HCK: variants seen among roughly 807,000 people sequenced by gnomAD.
HCK encodes HCK proto-oncogene, Src family tyrosine kinase.
A neutral mutation model predicts 70.4 loss-of-function variants in HCK; 40 were observed. The observed-to-expected ratio is 0.57, with a 90% CI of 0.44 to 0.74. The LOEUF (loss-of-function observed/expected upper bound fraction) is 0.74. Ranked by LOEUF, HCK falls within the 30% of genes least tolerant of loss-of-function variation. The pLI is 0.00. For synonymous variants in HCK, 245 were observed against 263.2 expected (o/e 0.93, Z 0.67); for missense variants, 568 against 697.2 (o/e 0.81, Z 2.09).
In HCK at chr20:32,085,370, C is replaced by G. The variant is rs536114541; in HGVS notation, c.835+827C>G. ...TCTACGAAAAAATACAACAATTAGCCAGGCGTGGTGGTGGGAGCCTGTAAT... is the reference window on the plus strand; with the variant it reads ...TCTACGAAAAAATACAACAATTAGCGAGGCGTGGTGGTGGGAGCCTGTAAT... On this transcript the variant is annotated intron_variant, in intron 8 of 12. Coordinates refer to ENST00000375852, the MANE Select transcript of HCK (RefSeq NM_002110.5). Among the ~76,000 whole-genome samples the G allele has an allele frequency of 6.7e-4, 102 of 152,080 alleles. 1 individual carries two copies. Among genetic ancestry groups the G allele is most frequent in the Admixed American group, 1.6e-3 (25 of 15,274 alleles).
rs1163172439 is a variant in HCK at position 32,071,751 on chromosome 20, A to T, written c.152A>T (p.Tyr51Phe). Reference sequence around the variant, plus strand: ...AGCGCCAGCCCACACTGTCCTGTGTACGTGCCGGATCCCACATCCACCATC... The same window carrying T: ...AGCGCCAGCCCACACTGTCCTGTGTTCGTGCCGGATCCCACATCCACCATC... The change falls in exon 2 of 13, where the codon TAC becomes TTC. Residue 51 changes from tyrosine (Y) to phenylalanine (F), a missense_variant. Tyr to Phe is a conservative substitution (Grantham distance 22). Around this residue, in one of 4 missense-constraint regions of HCK, gnomAD observed 318 missense variants for 336.0 expected, o/e 0.95. Transcript: ENST00000375852. The T allele has an allele frequency of 6.8e-6, 11 of 1,614,076 alleles. No individual in the cohort carries two copies. In the East Asian group the frequency reaches 2.5e-4, roughly 36 times the overall value.
intron 1 of HCK, among the ~76,000 whole-genome samples, chr20:32,061,343 G>A (rs1201277641): frequency 6.6e-6 from 1 of 152,210 alleles, no homozygotes; most frequent in Admixed American, 6.5e-5. Context: ...AAAGTCTCTT[G>A]ACAGAGGTCC....
At chr20:32,084,101 A>G in intron 7 of HCK, 58 bp downstream of exon 7, 1 of 1,569,958 alleles carries the variant, frequency 6.4e-7, no homozygotes, top group South Asian at 1.1e-5. Context: ...ACTCCTAGTC[A>G]CGGATGCACT....
At chr20:32,058,872 G>A (rs1157217158) in intron 1 of HCK, among the ~76,000 whole-genome samples, 1 of 152,176 alleles carries the variant, frequency 6.6e-6, no homozygotes, top group Non-Finnish European at 1.5e-5. Context: ...GGGAGCCAGG[G>A]TAGAACAGGC....
chr20:32,094,758 A>G (rs2045918529), intron 11 of HCK, among the ~76,000 whole-genome samples: 2 of 132,256 alleles, frequency 1.5e-5, no homozygotes, highest in Admixed American at 7.6e-5. Context: ...AGAAAGAAAG[A>G]AAGAAGGAAA....
chr20:32,096,770 A>G (rs899330175), intron 11 of HCK, among the ~76,000 whole-genome samples: 1 of 152,048 alleles, frequency 6.6e-6, no homozygotes, highest in African/African-American at 2.4e-5. Flanking sequence ...TGAAAGTGCT[A>G]GGATTACAGG....
At chr20:32,059,381 TTTC>T (rs1194175074) in intron 1 of HCK, among the ~76,000 whole-genome samples, 2 of 148,874 alleles carry the variant, frequency 1.3e-5, no homozygotes, top group South Asian at 2.2e-4. Flanking sequence ...CCTCCTCCAC[TTTC>T]TTCTTCTCTT....
At chr20:32,061,076 C>T (rs994841098) in intron 1 of HCK, among the ~76,000 whole-genome samples, 11 of 152,098 alleles carry the variant, frequency 7.2e-5, no homozygotes, top group Non-Finnish European at 1.6e-4. Flanking sequence ...CTCCGCCTCC[C>T]GGGTTCAAGC....
chr20:32,098,025 A>G (rs1177083055), intron 11 of HCK, among the ~76,000 whole-genome samples: 3 of 140,470 alleles, frequency 2.1e-5, no homozygotes, highest in Non-Finnish European at 4.5e-5. Flanking sequence ...AAATTTTTCT[A>G]TTTTTTTATA....
At position 32,101,734 on chromosome 20, in the gene HCK, TTGA is replaced by T. The variant is rs2046039153; in HGVS notation, c.*217_*219del. The T allele has an allele frequency of 2.2e-6, 1 of 451,612 alleles. No homozygotes were observed. Among genetic ancestry groups the T allele is most frequent in the Non-Finnish European group, 3.9e-6 (1 of 254,172 alleles). 28.0% of individuals were successfully genotyped at this position (451,612 alleles called of 1,614,324 possible). On this transcript the variant is annotated 3_prime_UTR_variant, in exon 13 of 13. Transcript: ENST00000375852. ...CTGACATTCTCAGGAAGCCCCCAAG[TTGA>T]TATTTCTATTTCCTGGAATGGTTGG...
chr20:32,069,562 G>T (rs1162168658), intron 1 of HCK: 2 of 373,764 alleles, frequency 5.4e-6, no homozygotes, highest in African/African-American at 2.1e-5. Context: ...CTCAAAGAGA[G>T]ATGCTGGTTT....
At position 32,052,403 on chromosome 20, in the gene HCK, C is replaced by G. The variant is rs1272146939; in HGVS notation, c.-22C>G. On this transcript the variant is annotated 5_prime_UTR_variant, in exon 1 of 13. Coordinates refer to ENST00000375852, the MANE Select transcript of HCK (RefSeq NM_002110.5). ...AGTCAGTTTCCCGGCACTGGCACCC[C>G]GGAACCTCAGGGGCTGCCGAGCTGG... 3.9e-6 allele frequency: 5 copies of G among 1,286,322 alleles called. No individual in the cohort carries two copies. Among genetic ancestry groups the G allele is most frequent in the Non-Finnish European group, 5.0e-6 (5 of 1,007,648 alleles). 79.7% of individuals were successfully genotyped at this position (1,286,322 alleles called of 1,614,324 possible). A position where few individuals can be genotyped will look rare whatever the true frequency, so the allele number is the denominator to read the frequency against.
intron 12 of HCK, 51 bp downstream of exon 12, chr20:32,099,186 T>C (rs1292412179): frequency 1.3e-6 from 2 of 1,584,394 alleles, no homozygotes; most frequent in Non-Finnish European, 1.7e-6. Context: ...AGTCTGGCAA[T>C]GGGCTCATCT....
chr20:32,083,333 A>T (rs1385472304), intron 6 of HCK, among the ~76,000 whole-genome samples: 1 of 152,214 alleles, frequency 6.6e-6, no homozygotes, highest in Non-Finnish European at 1.5e-5. Context: ...TTAGGGCATG[A>T]CTATCTTGAG....
At chr20:32,058,360 C>A (rs1232088399) in intron 1 of HCK, among the ~76,000 whole-genome samples, 1 of 151,886 alleles carries the variant, frequency 6.6e-6, no homozygotes, top group Non-Finnish European at 1.5e-5. Context: ...GGTGAAACCC[C>A]GTCTCTACTA....
intron 11 of HCK, among the ~76,000 whole-genome samples, chr20:32,094,552 T>G: frequency 6.6e-6 from 1 of 151,792 alleles, no homozygotes. Context: ...TGGTGGCACA[T>G]GCCTGTATGC....
chr20:32,081,096 AT>A (rs1388872474), intron 6 of HCK, among the ~76,000 whole-genome samples: 1 of 152,210 alleles, frequency 6.6e-6, no homozygotes, highest in African/African-American at 2.4e-5. Flanking sequence ...CTCTAAAAAA[AT>A]AAAACAAAAT....
At chr20:32,100,104 C>T (rs965666515) in intron 12 of HCK, among the ~76,000 whole-genome samples, 1 of 152,084 alleles carries the variant, frequency 6.6e-6, no homozygotes, top group African/African-American at 2.4e-5. Flanking sequence ...GACTTGGTCT[C>T]ACTACGTTGT....
intron 8 of HCK, among the ~76,000 whole-genome samples, chr20:32,084,862 T>A (rs2122579812): frequency 6.6e-6 from 1 of 152,340 alleles, no homozygotes; most frequent in South Asian, 2.1e-4. Flanking sequence ...AGAGACCTTT[T>A]CAGATGATGA....
Sources: gnomAD v4.1 joint callset for allele counts (sites outside exome capture counted in the v4.1 genomes callset) on GRCh38, gnomAD v4.1.1 for gene constraint, gnomAD v4.1.1 regional missense constraint, MANE v1.5 for transcripts, NCBI Gene and HGNC (gene_info 2026-07-23, HGNC 2026-07-21) for gene names.